CLDN10: variants seen among roughly 807,000 people sequenced by gnomAD.
CLDN10 encodes claudin-10.
Under a neutral mutation model 22.9 loss-of-function variants are expected in CLDN10, and 15 were observed. The ratio of observed to expected loss-of-function variants is 0.65; its 90% CI spans 0.44 to 1.01. CLDN10 has a LOEUF of 1.01. Among genes scored for constraint, CLDN10 ranks in the 50% least tolerant of loss-of-function variants. CLDN10 has a pLI of 0.00. For synonymous variants in CLDN10, 114 were observed against 111.4 expected (o/e 1.02, Z -0.15); for missense variants, 247 against 287.8 (o/e 0.86, Z 1.03).
chr13:95,481,067 A>G (rs1047673465), intron 1 of CLDN10, among the ~76,000 whole-genome samples: 1 of 152,048 alleles, frequency 6.6e-6, no homozygotes, highest in African/African-American at 2.4e-5. Context: ...CTCTCCGTCC[A>G]CCCTGTAACA....
intron 1 of CLDN10, among the ~76,000 whole-genome samples, chr13:95,534,165 A>G (rs2043375589): frequency 6.6e-6 from 1 of 152,168 alleles, no homozygotes; most frequent in Non-Finnish European, 1.5e-5. Context: ...TTCCTTTTTA[A>G]TTCTCATTAT....
chr13:95,509,942 T>A (rs2043078228), intron 1 of CLDN10, among the ~76,000 whole-genome samples: 1 of 152,160 alleles, frequency 6.6e-6, no homozygotes, highest in South Asian at 2.1e-4. Flanking sequence ...AGGTGGTGGG[T>A]AGGATAGGCA....
chr13:95,567,137 G>GT (rs1393290838), intron 3 of CLDN10, among the ~76,000 whole-genome samples: 1 of 152,114 alleles, frequency 6.6e-6, no homozygotes, highest in Non-Finnish European at 1.5e-5. Flanking sequence ...TTTTAGAGTA[G>GT]TTTTTTCCAA....
chr13:95,478,885 G>C (rs1270932864), intron 1 of CLDN10, among the ~76,000 whole-genome samples: 1 of 152,220 alleles, frequency 6.6e-6, no homozygotes, highest in Non-Finnish European at 1.5e-5. Flanking sequence ...GAGCCTCAGG[G>C]AGTTATAGGT....
intron 1 of CLDN10, among the ~76,000 whole-genome samples, chr13:95,486,289 G>A (rs946375806): frequency 2.6e-5 from 4 of 152,240 alleles, no homozygotes; most frequent in Admixed American, 2.0e-4. Context: ...TTGGGAGGCC[G>A]ATGTGGGTGG....
intron 1 of CLDN10, among the ~76,000 whole-genome samples, chr13:95,517,769 A>C (rs2043185040): frequency 1.3e-5 from 2 of 151,918 alleles, no homozygotes; most frequent in Non-Finnish European, 2.9e-5. Context: ...AACCCCATCT[A>C]CTAAAAATGC....
At chr13:95,466,692 C>T (rs542206008) in intron 1 of CLDN10, among the ~76,000 whole-genome samples, 1 of 151,794 alleles carries the variant, frequency 6.6e-6, no homozygotes, top group East Asian at 1.9e-4. Context: ...TCATTGATGC[C>T]TTAAAAATAT....
chr13:95,553,484 G>C (rs913899314), intron 1 of CLDN10, among the ~76,000 whole-genome samples: 1 of 152,186 alleles, frequency 6.6e-6, no homozygotes, highest in African/African-American at 2.4e-5. Flanking sequence ...GGCGGGGGTG[G>C]GGGTTGAGAG....
At position 95,498,262 on chromosome 13, in the gene CLDN10, C is replaced by G. The variant is rs1025389422; in HGVS notation, c.215-61870C>G. 3.3e-5 allele frequency among the ~76,000 whole-genome samples: 5 copies of G among 152,350 alleles called. No individual in the cohort carries two copies. In the East Asian group the frequency reaches 9.6e-4, roughly 29 times the overall value. On this transcript the variant is annotated intron_variant, in intron 1 of 4. Coordinates refer to the CLDN10 transcript ENST00000376873. ...TCCAGGGATCCACAACGCCAAACTCCAGATCCTCATTCCTTTAGATCCTTC... is the reference window on the plus strand; with the variant it reads ...TCCAGGGATCCACAACGCCAAACTCGAGATCCTCATTCCTTTAGATCCTTC...
chr13:95,514,883 C>T (rs956241316), intron 1 of CLDN10, among the ~76,000 whole-genome samples: 2 of 152,154 alleles, frequency 1.3e-5, no homozygotes, highest in Admixed American at 6.5e-5. Context: ...ATTGCAGTAT[C>T]TCAGTTGTGA....
At chr13:95,460,591 C>A (rs937502598) in intron 1 of CLDN10, among the ~76,000 whole-genome samples, 2 of 152,148 alleles carry the variant, frequency 1.3e-5, no homozygotes, top group Non-Finnish European at 2.9e-5. Flanking sequence ...AAAACCACCC[C>A]CATGATTCAA....
intron 1 of CLDN10, among the ~76,000 whole-genome samples, chr13:95,529,740 A>G (rs919988027): frequency 6.6e-6 from 1 of 152,214 alleles, no homozygotes; most frequent in Non-Finnish European, 1.5e-5. Context: ...CAGGATTTTT[A>G]TACAAATAAG....
chr13:95,471,941 ATTTTTTTTTTTT>A (rs58891166), intron 1 of CLDN10, among the ~76,000 whole-genome samples: 1 of 95,824 alleles, frequency 1.0e-5, no homozygotes, highest in Middle Eastern at 7.6e-3. Context: ...ACACTCAGCT[ATTTTTTTTTTTT>A]TTTTTTTTTT....
intron 1 of CLDN10, among the ~76,000 whole-genome samples, chr13:95,457,459 T>C (rs912027131): frequency 6.6e-6 from 1 of 152,002 alleles, no homozygotes; most frequent in African/African-American, 2.4e-5. Context: ...TTCTGTGCAG[T>C]CTTGGGAACT....
intron 1 of CLDN10, among the ~76,000 whole-genome samples, chr13:95,536,687 A>G (rs1271058162): frequency 1.3e-5 from 2 of 152,130 alleles, no homozygotes; most frequent in African/African-American, 4.8e-5. Flanking sequence ...CAAAATCTTC[A>G]CCTTCTAGTT....
chr13:95,476,159 A>G (rs1041222684), intron 1 of CLDN10, among the ~76,000 whole-genome samples: 1 of 152,244 alleles, frequency 6.6e-6, no homozygotes, highest in African/African-American at 2.4e-5. Flanking sequence ...GCAGGTTGAC[A>G]GGATAGAGAT....
intron 1 of CLDN10, among the ~76,000 whole-genome samples, chr13:95,450,635 A>T (rs1310985450): frequency 6.6e-6 from 1 of 152,140 alleles, no homozygotes; most frequent in Non-Finnish European, 1.5e-5. Context: ...CGCAGCACAT[A>T]AGGCCCATCT....
In CLDN10 at chr13:95,470,807, A is replaced by G. The variant is rs778465480; in HGVS notation, c.214+36760A>G. ...TACCCCCTCCCACTCCGGGTTTATT[A>G]GTAGCTACGTTCTCAGCCCAACGGT... is the stretch of plus-strand genomic sequence containing the variant. On this transcript the variant is annotated intron_variant, in intron 1 of 4. Coordinates refer to the CLDN10 transcript ENST00000376873. Among the ~76,000 whole-genome samples, 28 of 152,274 alleles carry G rather than the reference A, an allele frequency of 1.8e-4. 1 individual carries two copies. Among genetic ancestry groups the G allele is most frequent in the Admixed American group, 5.9e-4 (9 of 15,296 alleles).
At chr13:95,562,357 G>C (rs762831407) in intron 3 of CLDN10, among the ~76,000 whole-genome samples, 4 of 150,666 alleles carry the variant, frequency 2.7e-5, no homozygotes, top group Non-Finnish European at 5.9e-5. Context: ...ACAGGCATAA[G>C]CCACCATGCC....
Sources: allele counts gnomAD v4.1 joint callset (sites outside exome capture counted in the v4.1 genomes callset), GRCh38; gene constraint gnomAD v4.1.1; transcripts MANE v1.5; gene names NCBI Gene and HGNC (gene_info 2026-07-23, HGNC 2026-07-21).